SPTB: variants seen among roughly 807,000 people sequenced by gnomAD.
SPTB encodes spectrin beta, erythrocytic.
Under a neutral mutation model 256.2 loss-of-function variants are expected in SPTB, and 45 were observed. The observed-to-expected ratio is 0.18, with a 90% CI of 0.14 to 0.23. The LOEUF is 0.23. Among genes scored for constraint, SPTB ranks in the 10% least tolerant of loss-of-function variants. SPTB has a pLI of 1.00. For missense variants in SPTB, 2,715 were observed against 3,040.4 expected, an observed-to-expected ratio of 0.89 and a Z score of 2.52; for synonymous variants, 1,231 against 1,243.1, an observed-to-expected ratio of 0.99 and a Z score of 0.21.
At position 64,800,836 on chromosome 14, in the gene SPTB, T is replaced by C. The variant is rs2082870871; in HGVS notation, c.796A>G (p.Ile266Val). Residue 266 changes from isoleucine (I) to valine (V), a missense_variant, in exon 8 of 36, where the codon ATC becomes GTC. Ile to Val is a conservative substitution (Grantham distance 29, BLOSUM62 3). Transcript: ENST00000644917. ...TAAAAGGCCACCACATAGGTGATGATGGATTTCTCATCAGGGTTTTCCGTA... is the reference window on the plus strand; with the variant it reads ...TAAAAGGCCACCACATAGGTGATGACGGATTTCTCATCAGGGTTTTCCGTA... ...VFTENPDEKS[I>V]ITYVVAFYHY... 1.9e-6 allele frequency: 3 copies of C among 1,614,082 alleles called. No homozygotes were observed. Among genetic ancestry groups the C allele is most frequent in the African/African-American group, 1.3e-5 (1 of 74,936 alleles).
At chr14:64,765,155 G>A (rs2082150375) in intron 32 of SPTB, among the ~76,000 whole-genome samples, 1 of 152,108 alleles carries the variant, frequency 6.6e-6, no homozygotes, top group South Asian at 2.1e-4. Context: ...GTTTCTGGGT[G>A]TGACTGGTGT....
At chr14:64,771,821 A>T (rs1451916063) in intron 26 of SPTB, among the ~76,000 whole-genome samples, 1 of 152,162 alleles carries the variant, frequency 6.6e-6, no homozygotes, top group Non-Finnish European at 1.5e-5. Flanking sequence ...TTTTGGATGA[A>T]CCAGGGGCCC....
chr14:64,849,689 A>T (rs1393220367), intron 1 of SPTB, among the ~76,000 whole-genome samples: 1 of 152,180 alleles, frequency 6.6e-6, no homozygotes, highest in Non-Finnish European at 1.5e-5. Flanking sequence ...TCCTAGTATG[A>T]AGTCACCTTC....
intron 1 of SPTB, among the ~76,000 whole-genome samples, chr14:64,858,592 G>A (rs1304494881): frequency 6.6e-6 from 1 of 152,144 alleles, no homozygotes; most frequent in Non-Finnish European, 1.5e-5. Context: ...AGAAAGCAGG[G>A]AGAGAAGGAA....
chr14:64,789,602 C>T (rs2082636289), intron 15 of SPTB, among the ~76,000 whole-genome samples: 1 of 152,088 alleles, frequency 6.6e-6, no homozygotes, highest in South Asian at 2.1e-4. Context: ...AAAGAGTAAG[C>T]CAAGGGCATA....
intron 2 of SPTB, among the ~76,000 whole-genome samples, chr14:64,809,132 A>G (rs1455452802): frequency 2.0e-5 from 3 of 151,728 alleles, no homozygotes; most frequent in Non-Finnish European, 4.4e-5. Context: ...CATGGTGGCA[A>G]GAACCTGTAA....
At chr14:64,861,149 T>C (rs148092164) in intron 1 of SPTB, among the ~76,000 whole-genome samples, 9 of 152,002 alleles carry the variant, frequency 5.9e-5, no homozygotes, top group African/African-American at 2.2e-4. Flanking sequence ...AATTGAACAT[T>C]GAGAACGCAT....
At chr14:64,780,597 G>A (rs1220034927) in intron 20 of SPTB, among the ~76,000 whole-genome samples, 1 of 152,134 alleles carries the variant, frequency 6.6e-6, no homozygotes, top group Non-Finnish European at 1.5e-5. Context: ...ATTTTTAGTA[G>A]AGACAAGGTT....
rs374275794 is a variant in SPTB, at chr14:64,770,922, T to C, written c.5761A>G (p.Ser1921Gly). Residue 1921 changes from serine to glycine, a missense_variant, in exon 27 of 36, where the codon AGC (serine) becomes GGC (glycine). Transcript: ENST00000644917. ...MARDLLSWME[S>G]IIRQIETQER... ...TGGGTCTCGATCTGCCGGATGATGC[T>C]CTCCATCCAGGAGAGGAGGTCACGG... 1 of 1,613,954 alleles carries C rather than the reference T, an allele frequency of 6.2e-7. No homozygotes were observed. Among genetic ancestry groups the C allele is most frequent in the Non-Finnish European group, 8.5e-7 (1 of 1,180,014 alleles).
At position 64,805,572 on chromosome 14, in the gene SPTB, G is replaced by A. The variant is rs1477423548; in HGVS notation, c.149-482C>T. Reference sequence around the variant, plus strand: ...GGTTGGGTCTCCCTTCATGTGCCCTGCTCCCTGCATTTACGTTTCCTTCTC... The same window carrying A: ...GGTTGGGTCTCCCTTCATGTGCCCTACTCCCTGCATTTACGTTTCCTTCTC... On this transcript the variant is annotated intron_variant, in intron 2 of 35. Transcript: ENST00000644917. 1.1e-4 allele frequency among the ~76,000 whole-genome samples: 16 copies of A among 152,246 alleles called. No homozygotes were observed. The East Asian group carries it at 2.9e-3, about 28-fold the overall frequency.
In SPTB at chr14:64,853,123, C is replaced by A. The variant is rs2083813010; in HGVS notation, c.-52+26669G>T. ...GCAAAGAATGGGGAAAGAGCATGTGCAAAGCCAACAGTAAAAGTCCTGGAC... is the reference window on the plus strand; with the variant it reads ...GCAAAGAATGGGGAAAGAGCATGTGAAAAGCCAACAGTAAAAGTCCTGGAC... On this transcript the variant is annotated intron_variant, in intron 1 of 35. Coordinates refer to ENST00000644917, the MANE Select transcript of SPTB (RefSeq NM_001355436.2). This position sits in a 1 kb window ranked among gnomAD's most constrained non-coding sequence, Gnocchi z 4.3. 6.6e-6 allele frequency among the ~76,000 whole-genome samples: 1 copy of A among 151,996 alleles called. No homozygotes were observed. The highest frequency in any genetic ancestry group is 2.1e-4 in the South Asian group (1 of 4,820).
In SPTB at chr14:64,746,914, T is replaced by C. The variant is rs1594726108; in HGVS notation, c.*2392A>G. The C allele has an allele frequency of 6.6e-6, 1 of 151,382 alleles. No homozygotes were observed. The highest frequency in any genetic ancestry group is 2.4e-5 in the African/African-American group (1 of 41,262). The allele number at this position is 151,382 out of a possible 1,614,324, so 9.4% of individuals were successfully genotyped here. A position where few individuals can be genotyped will look rare whatever the true frequency, so the allele number is the denominator to read the frequency against. On this transcript the variant is annotated 3_prime_UTR_variant, in exon 36 of 36. Transcript: ENST00000644917. The surrounding 1 kb of genome is among the most constrained non-coding windows in gnomAD (Gnocchi z 4.9). ...AGAGAAAAAAAAAAAAAGACCTTGC[T>C]AGGGCACTGGGAGAGCTTAGCCCTG...
intron 23 of SPTB, 118 bp from the exon 24 acceptor site, chr14:64,774,645 AC>A: frequency 1.4e-6 from 2 of 1,430,098 alleles, no homozygotes; most frequent in Non-Finnish European, 1.9e-6. Flanking sequence ...CTTGTGGGAC[AC>A]CCGCAGGAGA....
rs928161950 is a variant in SPTB, at chr14:64,824,993, G to A, written c.-51-1848C>T. Reference sequence around the variant, plus strand: ...CAGGGTCATCCGGTGGAATGACTGCGGCTGGGACCAAAGGCCAAACTGGAG... The same window carrying A: ...CAGGGTCATCCGGTGGAATGACTGCAGCTGGGACCAAAGGCCAAACTGGAG... On this transcript the variant is annotated intron_variant, in intron 1 of 35. Coordinates refer to ENST00000644917, the MANE Select transcript of SPTB (RefSeq NM_001355436.2). The surrounding 1 kb of genome is among the most constrained non-coding windows in gnomAD (Gnocchi z 5.7). Among the ~76,000 whole-genome samples the A allele has an allele frequency of 5.3e-5, 8 of 152,260 alleles. No homozygotes were observed. The East Asian group carries it at 1.2e-3, about 22-fold the overall frequency.
In SPTB at chr14:64,769,082, T is replaced by G; in HGVS notation, c.5974A>C (p.Lys1992Gln). The G allele has an allele frequency of 6.2e-7, 1 of 1,613,792 alleles. No individual in the cohort carries two copies. Among genetic ancestry groups the G allele is most frequent in the Non-Finnish European group, 8.5e-7 (1 of 1,180,010 alleles). ...GCTTCCCACTTCTCATTCATCTCTT[T>G]CCTCCTGGACATCACCTGCTGCAGT... ...EKLQQVMSRRKEMNEKWEARW... is the reference protein window; with the variant it reads ...EKLQQVMSRRQEMNEKWEARW... Residue 1992 changes from lysine (K) to glutamine (Q), a missense_variant, in exon 29 of 36, where the codon AAA becomes CAA. Lys to Gln is a moderately conservative substitution (Grantham distance 53, BLOSUM62 1). Transcript: ENST00000644917.
Position 64,823,205 on chromosome 14 carries a change from G to A in SPTB, c.-51-60C>T. The A allele has an allele frequency of 2.2e-6, 3 of 1,352,066 alleles. No homozygotes were observed. The highest frequency in any genetic ancestry group is 2.0e-4 in the Middle Eastern group (1 of 4,944). 83.8% of individuals were successfully genotyped at this position (1,352,066 alleles called of 1,614,324 possible). A position where few individuals can be genotyped will look rare whatever the true frequency, so the allele number is the denominator to read the frequency against. On this transcript the variant is annotated intron_variant, in intron 1 of 35. Transcript: ENST00000644917. The surrounding 1 kb of genome is among the most constrained non-coding windows in gnomAD (Gnocchi z 6.5). ...TCTACCCCCTCGGACTTTTTCTCCG[G>A]GGAAACTTATTCGGAGCATCCAACG...
rs149591360 is a variant in SPTB at position 64,852,438 on chromosome 14, G to T, written c.-52+27354C>A. On this transcript the variant is annotated intron_variant, in intron 1 of 35. Coordinates refer to ENST00000644917, the MANE Select transcript of SPTB (RefSeq NM_001355436.2). The surrounding 1 kb of genome is among the most constrained non-coding windows in gnomAD (Gnocchi z 4.2). ...GGTGCTAAATGGAACAGCATGGCTA[G>T]GCTTGCCTTCTAGAAAGATCCCTTT... Among the ~76,000 whole-genome samples the T allele has an allele frequency of 1.1e-4, 16 of 152,318 alleles. No individual in the cohort carries two copies. The East Asian group carries it at 3.1e-3, about 29-fold the overall frequency.
At chr14:64,870,674 C>T (rs1882477256) in intron 1 of SPTB, among the ~76,000 whole-genome samples, 4 of 152,216 alleles carry the variant, frequency 2.6e-5, no homozygotes, top group African/African-American at 9.6e-5. Context: ...TTTTGCCCTT[C>T]CCTTTGGAGA....
chr14:64,851,447 G>T (rs2083783934), intron 1 of SPTB, among the ~76,000 whole-genome samples: 1 of 152,002 alleles, frequency 6.6e-6, no homozygotes. Flanking sequence ...AATATCAGTA[G>T]CAGTAGCAGT....
Sources: gnomAD v4.1 joint callset for allele counts (sites outside exome capture counted in the v4.1 genomes callset) on GRCh38, gnomAD v4.1.1 for gene constraint, Gnocchi (gnomAD v3.1) non-coding constraint, MANE v1.5 for transcripts, NCBI Gene and HGNC (gene_info 2026-07-23, HGNC 2026-07-21) for gene names.